ATP10B: variants seen among roughly 807,000 people sequenced by gnomAD.
ATP10B encodes the protein ATPase phospholipid transporting 10B (putative).
ATP10B carries 122 observed loss-of-function variants against 141.2 expected under a neutral mutation model. The ratio of observed to expected loss-of-function variants is 0.86; its 90% CI spans 0.75 to 1.00. ATP10B has a LOEUF of 1.00. Ranked by LOEUF, ATP10B falls within the 50% of genes least tolerant of loss-of-function variation. ATP10B has a pLI of 0.00. For missense variants in ATP10B, 1,876 were observed against 1,825.3 expected (o/e 1.03, Z -0.51); for synonymous variants, 685 against 692.0 (o/e 0.99, Z 0.16).
At chr5:160,818,529 G>A (rs1360958725) in intron 1 of ATP10B, among the ~76,000 whole-genome samples, 1 of 152,170 alleles carries the variant, frequency 6.6e-6, no homozygotes, top group Non-Finnish European at 1.5e-5. Context: ...GGAGAAATAG[G>A]AACATTTTTA....
At chr5:160,668,781 A>G (rs1198232906) in intron 7 of ATP10B, among the ~76,000 whole-genome samples, 1 of 152,128 alleles carries the variant, frequency 6.6e-6, no homozygotes, top group African/African-American at 2.4e-5. Flanking sequence ...TCCTTATACC[A>G]TTTGAATTTC....
At chr5:160,892,780 A>G in the ATP10B span, among the ~76,000 whole-genome samples, 1 of 152,216 alleles carries the variant, frequency 6.6e-6, no homozygotes, top group Non-Finnish European at 1.5e-5. Flanking sequence ...GAACAGATCC[A>G]GTGTGCAGCT....
At chr5:160,826,146 A>C (rs1157817065) in intron 1 of ATP10B, among the ~76,000 whole-genome samples, 1 of 151,540 alleles carries the variant, frequency 6.6e-6, no homozygotes, top group Non-Finnish European at 1.5e-5. Flanking sequence ...TTTTTGTATA[A>C]CTCTCTATTT....
chr5:160,675,950 A>G (rs1763008227), intron 6 of ATP10B, among the ~76,000 whole-genome samples: 1 of 152,112 alleles, frequency 6.6e-6, no homozygotes, highest in Non-Finnish European at 1.5e-5. Flanking sequence ...CAATCTGAGG[A>G]TGCCTAGATA....
chr5:160,834,169 C>CA (rs1272400504), intron 1 of ATP10B, among the ~76,000 whole-genome samples: 6 of 151,848 alleles, frequency 4.0e-5, no homozygotes, highest in African/African-American at 1.4e-4. Context: ...ACTAAAAATA[C>CA]AAAAAATTAG....
chr5:160,884,092 T>A, the ATP10B span, among the ~76,000 whole-genome samples: 4 of 152,206 alleles, frequency 2.6e-5, no homozygotes, highest in African/African-American at 9.7e-5. Context: ...TAAATAAGTA[T>A]AATTCACTGT....
chr5:160,653,687 T>G (rs1172810402), intron 7 of ATP10B, among the ~76,000 whole-genome samples: 2 of 121,244 alleles, frequency 1.6e-5, no homozygotes, highest in African/African-American at 3.1e-5. Flanking sequence ...TATACATATA[T>G]ACATATATAC....
At chr5:160,763,929 C>A (rs1310741278) in intron 2 of ATP10B, among the ~76,000 whole-genome samples, 2 of 152,064 alleles carry the variant, frequency 1.3e-5, no homozygotes, top group Admixed American at 6.5e-5. Flanking sequence ...CTATGAACAC[C>A]TTTTTGTGCC....
At position 160,749,863 on chromosome 5, in the gene ATP10B, C is replaced by G. The variant is rs572313199; in HGVS notation, c.-330-32829G>C. Among the ~76,000 whole-genome samples, 39 of 152,260 alleles carry G rather than the reference C, an allele frequency of 2.6e-4. No individual in the cohort carries two copies. The South Asian group carries it at 7.9e-3, about 31-fold the overall frequency. Reference sequence around the variant, plus strand: ...CAGGAACTACTCATATAGGCCACACCCTATCTTCATGGCACTCTACCATGT... The same window carrying G: ...CAGGAACTACTCATATAGGCCACACGCTATCTTCATGGCACTCTACCATGT... On this transcript the variant is annotated intron_variant, in intron 2 of 25. Transcript: ENST00000327245.
rs375541598 is a variant in ATP10B at position 160,597,771 on chromosome 5, C to T, written c.3564+999G>A. Among the ~76,000 whole-genome samples the T allele has an allele frequency of 5.0e-4, 76 of 152,138 alleles. No homozygotes were observed. The East Asian group carries it at 5.8e-3, about 12-fold the overall frequency. On this transcript the variant is annotated intron_variant, in intron 22 of 25. Coordinates refer to ENST00000327245, the MANE Select transcript of ATP10B (RefSeq NM_025153.3). The stretch of plus-strand genomic sequence containing the variant: ...GATACTTCTCAAAAGAAGACATTTA[C>T]GCAGCCAAAAAACATGAAAAAATGC...
chr5:160,812,012 G>GACAGAGAC (rs1199039020), intron 1 of ATP10B, among the ~76,000 whole-genome samples: 5 of 83,358 alleles, frequency 6.0e-5, no homozygotes, highest in Non-Finnish European at 8.1e-5. Context: ...CAGAGACAGA[G>GACAGAGAC]ACAGAGACAG....
At chr5:160,604,182 CT>C in intron 19 of ATP10B, 141 bp from the exon 20 acceptor site, 1 of 653,248 alleles carries the variant, frequency 1.5e-6, no homozygotes, top group Non-Finnish European at 2.8e-6. Context: ...TGCTATAGTG[CT>C]TAGCTTGAGA....
chr5:160,704,909 T>TTCA (rs1343364542), intron 3 of ATP10B, among the ~76,000 whole-genome samples: 10 of 126,562 alleles, frequency 7.9e-5, no homozygotes, highest in South Asian at 2.8e-4. Context: ...CAACATTTCT[T>TTCA]TCATCTTTTT....
chr5:160,670,685 C>G lies in ATP10B; in HGVS notation c.471-18G>C. On this transcript the variant is annotated intron_variant, in intron 6 of 25. Transcript: ENST00000327245. Reference sequence around the variant, plus strand: ...GCTCTTTTCTTGGGTGAGAGAAAGACAGGGTGTGAGTGAGCTTTAAGTTTC... The same window carrying G: ...GCTCTTTTCTTGGGTGAGAGAAAGAGAGGGTGTGAGTGAGCTTTAAGTTTC... 6.2e-7 allele frequency: 1 copy of G among 1,609,806 alleles called. No homozygotes were observed. Among genetic ancestry groups the G allele is most frequent in the South Asian group, 1.1e-5 (1 of 90,702 alleles).
intron 12 of ATP10B, chr5:160,633,433 A>AAATACTAAC (rs1759081148): frequency 6.6e-6 from 1 of 152,192 alleles, no homozygotes; most frequent in African/African-American, 2.4e-5. Context: ...ACAGGAAACC[A>AAATACTAAC]TCAGCAAACT....
At chr5:160,928,712 C>T in the ATP10B span, among the ~76,000 whole-genome samples, 804 of 152,226 alleles carry the variant, frequency 5.3e-3, 4 homozygotes, top group African/African-American at 0.019. Flanking sequence ...ATAAAAATCC[C>T]AACTCTCTCC....
At chr5:160,644,048 A>T (rs1760086248) in intron 9 of ATP10B, 90 bp downstream of exon 9, 1 of 1,052,782 alleles carries the variant, frequency 9.5e-7, no homozygotes, top group Non-Finnish European at 1.5e-6. Flanking sequence ...AGTTACTGTG[A>T]ACAGTTGTTG....
chr5:160,732,164 T>G (rs981427385), intron 2 of ATP10B, among the ~76,000 whole-genome samples: 1 of 152,114 alleles, frequency 6.6e-6, no homozygotes, highest in African/African-American at 2.4e-5. Context: ...ATTAAAAATA[T>G]CAGCGAGATG....
chr5:160,734,966 T>C (rs141722361), intron 2 of ATP10B, among the ~76,000 whole-genome samples: 17 of 151,834 alleles, frequency 1.1e-4, no homozygotes, highest in African/African-American at 3.9e-4. Flanking sequence ...GTAAGCCTCA[T>C]AGTAACCTCA....
Sources: allele counts gnomAD v4.1 joint callset (sites outside exome capture counted in the v4.1 genomes callset), GRCh38; gene constraint gnomAD v4.1.1; transcripts MANE v1.5; gene names NCBI Gene and HGNC (gene_info 2026-07-23, HGNC 2026-07-21).